OR14J1: variants seen among roughly 807,000 people sequenced by gnomAD.
The protein encoded by OR14J1 is olfactory receptor 14J1.
For synonymous variants in OR14J1, 140 were observed against 146.7 expected (o/e 0.95, Z 0.33); for missense variants, 378 against 393.4 (o/e 0.96, Z 0.33).
Position 29,310,026 on chromosome 6 carries a change from G to A in OR14J1, c.*2371G>A, listed in dbSNP as rs1391462871. The A allele has an allele frequency of 6.6e-6, 1 of 152,100 alleles. No individual in the cohort carries two copies. The highest frequency in any genetic ancestry group is 1.5e-5 in the Non-Finnish European group (1 of 68,032). 9.4% of individuals were successfully genotyped at this position (152,100 alleles called of 1,614,324 possible). On this transcript the variant is annotated 3_prime_UTR_variant, in exon 2 of 2. Coordinates refer to ENST00000641895, the MANE Select transcript of OR14J1 (RefSeq NM_030946.2). ...TCTGGATATTAGCCCTTTGTCAGAT[G>A]GATAGATTACAAAAATTTTCTCCCA...
At chr6:29,303,564 C>T (rs1774853413) in intron 1 of OR14J1, among the ~76,000 whole-genome samples, 1 of 152,166 alleles carries the variant, frequency 6.6e-6, no homozygotes, top group Non-Finnish European at 1.5e-5. Flanking sequence ...TGTGCCAGGG[C>T]ACAGAATGAT....
chr6:29,312,533 C>A lies in OR14J1; in HGVS notation c.*4878C>A, dbSNP rs544625381. The A allele has an allele frequency of 1.3e-5, 2 of 153,576 alleles. No homozygotes were observed. Among genetic ancestry groups the A allele is most frequent in the African/African-American group, 4.8e-5 (2 of 41,460 alleles). 9.5% of individuals were successfully genotyped at this position (153,576 alleles called of 1,614,324 possible). On this transcript the variant is annotated 3_prime_UTR_variant, in exon 2 of 2. Transcript: ENST00000641895. Reference sequence around the variant, plus strand: ...GGTGAGGCGATGCCCCACCCTGCTTCGGCTAGCCCTCCCTGGGCTGCACCC... The same window carrying A: ...GGTGAGGCGATGCCCCACCCTGCTTAGGCTAGCCCTCCCTGGGCTGCACCC...
At chr6:29,305,533 G>A (rs894324796) in intron 1 of OR14J1, among the ~76,000 whole-genome samples, 4 of 152,004 alleles carry the variant, frequency 2.6e-5, no homozygotes, top group African/African-American at 7.3e-5. Flanking sequence ...GAAACTCAGT[G>A]AAAATGATAC....
chr6:29,309,313 T>C lies in OR14J1; in HGVS notation c.*1658T>C, dbSNP rs1775339109. 6.6e-6 allele frequency: 1 copy of C among 152,242 alleles called. No individual in the cohort carries two copies. The highest frequency in any genetic ancestry group is 1.5e-5 in the Non-Finnish European group (1 of 68,058). 9.4% of individuals were successfully genotyped at this position (152,242 alleles called of 1,614,324 possible). ...GGGCATTTGGGTTGGTTTCAAGTCT[T>C]TGCTATTGTGAACAGTGCCACAATA... On this transcript the variant is annotated 3_prime_UTR_variant, in exon 2 of 2. Coordinates refer to ENST00000641895, the MANE Select transcript of OR14J1 (RefSeq NM_030946.2).
At position 29,309,283 on chromosome 6, in the gene OR14J1, T is replaced by C. The variant is rs761010767; in HGVS notation, c.*1628T>C. ...CACCTTTTCTTTATCCAGTGTATTA[T>C]TGATGGGCATTTGGGTTGGTTTCAA... On this transcript the variant is annotated 3_prime_UTR_variant, in exon 2 of 2. Transcript: ENST00000641895. 2.0e-5 allele frequency: 3 copies of C among 152,372 alleles called. No individual in the cohort carries two copies. The highest frequency in any genetic ancestry group is 3.9e-4 in the East Asian group (2 of 5,194). The allele number at this position is 152,372 out of a possible 1,614,324, so 9.4% of individuals were successfully genotyped here. A position where few individuals can be genotyped will look rare whatever the true frequency, so the allele number is the denominator to read the frequency against.
At chr6:29,303,508 A>G (rs1259244624) in intron 1 of OR14J1, among the ~76,000 whole-genome samples, 3 of 152,114 alleles carry the variant, frequency 2.0e-5, no homozygotes, top group African/African-American at 7.2e-5. Context: ...GTTTGTGAGG[A>G]CTCATGAAGC....
intron 1 of OR14J1, among the ~76,000 whole-genome samples, chr6:29,302,706 T>C (rs1185819262): frequency 6.6e-6 from 1 of 152,190 alleles, no homozygotes; most frequent in Admixed American, 6.5e-5. Flanking sequence ...TCCTAAGCTT[T>C]TTGGGCATCA....
rs1227402821 is a variant in OR14J1 at position 29,307,501 on chromosome 6, T to C, written c.812T>C (p.Val271Ala). ...GATTCCTCATCGACTGTGGACCTTG[T>C]ATTCTCCGTATTCTATACTGTGATA... is the stretch of plus-strand genomic sequence containing the variant. ...PSDSSSTVDL[V>A]FSVFYTVIPP... Residue 271 changes from valine to alanine, a missense_variant, in exon 2 of 2, where the codon GTA becomes GCA. Val to Ala is a moderately conservative substitution (Grantham distance 64, BLOSUM62 0). Transcript: ENST00000641895. 1 of 1,613,024 alleles carries C rather than the reference T, an allele frequency of 6.2e-7. No individual in the cohort carries two copies. Among genetic ancestry groups the C allele is most frequent in the Non-Finnish European group, 8.5e-7 (1 of 1,180,000 alleles).
chr6:29,309,281 T>A lies in OR14J1; in HGVS notation c.*1626T>A, dbSNP rs1775336207. The A allele has an allele frequency of 6.6e-6, 1 of 152,204 alleles. No homozygotes were observed. Among genetic ancestry groups the A allele is most frequent in the Non-Finnish European group, 1.5e-5 (1 of 68,044 alleles). 9.4% of individuals were successfully genotyped at this position (152,204 alleles called of 1,614,324 possible). A position where few individuals can be genotyped will look rare whatever the true frequency, so the allele number is the denominator to read the frequency against. The stretch of plus-strand genomic sequence containing the variant: ...GCCACCTTTTCTTTATCCAGTGTAT[T>A]ATTGATGGGCATTTGGGTTGGTTTC... On this transcript the variant is annotated 3_prime_UTR_variant, in exon 2 of 2. Coordinates refer to ENST00000641895, the MANE Select transcript of OR14J1 (RefSeq NM_030946.2).
intron 1 of OR14J1, among the ~76,000 whole-genome samples, chr6:29,305,241 T>G (rs977866775): frequency 6.6e-6 from 1 of 152,174 alleles, no homozygotes; most frequent in Non-Finnish European, 1.5e-5. Flanking sequence ...CAAAATAAAT[T>G]ACAGCAAAAT....
rs1775605393 is a variant in OR14J1 at position 29,312,632 on chromosome 6, T to C, written c.*4977T>C. Reference sequence around the variant, plus strand: ...TGCAGAAATCATCTGGCTTCTGCATTGATCTCAGTGGGAGCTGCAGACCGA... The same window carrying C: ...TGCAGAAATCATCTGGCTTCTGCATCGATCTCAGTGGGAGCTGCAGACCGA... On this transcript the variant is annotated 3_prime_UTR_variant, in exon 2 of 2. Coordinates refer to ENST00000641895, the MANE Select transcript of OR14J1 (RefSeq NM_030946.2). 6.6e-6 allele frequency: 1 copy of C among 152,348 alleles called. No homozygotes were observed. Among genetic ancestry groups the C allele is most frequent in the African/African-American group, 2.4e-5 (1 of 41,448 alleles). 9.4% of individuals were successfully genotyped at this position (152,348 alleles called of 1,614,324 possible). A position where few individuals can be genotyped will look rare whatever the true frequency, so the allele number is the denominator to read the frequency against.
Position 29,307,458 on chromosome 6 carries a change from T to C in OR14J1, c.769T>C (p.Phe257Leu). 6.2e-7 allele frequency: 1 copy of C among 1,613,074 alleles called. No homozygotes were observed. Among genetic ancestry groups the C allele is most frequent in the Non-Finnish European group, 8.5e-7 (1 of 1,180,028 alleles). Residue 257 changes from phenylalanine to leucine, a missense_variant, in exon 2 of 2, where the codon TTT becomes CTT. By Grantham distance (22) the Phe-to-Leu change is conservative (BLOSUM62 0). Transcript: ENST00000641895. ...CTTTCTTTCAGCTGCAGGCTTTGAG[T>C]TTCTCAGACTGCCTTCTGATTCCTC... ...TFFLSAAGFE[F>L]LRLPSDSSST...
At chr6:29,303,360 A>G (rs1299108534) in intron 1 of OR14J1, among the ~76,000 whole-genome samples, 1 of 152,254 alleles carries the variant, frequency 6.6e-6, no homozygotes, top group Non-Finnish European at 1.5e-5. Context: ...CATAGAGCCA[A>G]TGGAAGTCAG....
chr6:29,307,151 G>A lies in OR14J1; in HGVS notation c.462G>A (p.Gly154=). ...IAVWIAGGLS[G]LMHAAINFSI... The stretch of plus-strand genomic sequence containing the variant: ...TGTGGATTGCTGGGGGCCTCTCTGG[G>A]CTCATGCATGCTGCCATTAACTTCT... The change falls in exon 2 of 2, where the codon GGG becomes GGA. Residue 154 remains glycine (G), a synonymous_variant. Coordinates refer to ENST00000641895, the MANE Select transcript of OR14J1 (RefSeq NM_030946.2). 4 of 1,612,884 alleles carry A rather than the reference G, an allele frequency of 2.5e-6. No individual in the cohort carries two copies. Among genetic ancestry groups the A allele is most frequent in the Non-Finnish European group, 2.5e-6 (3 of 1,179,984 alleles).
rs548266619 is a variant in OR14J1, at chr6:29,301,973, A to G, written c.-29+186A>G. Among the ~76,000 whole-genome samples, 4 of 152,246 alleles carry G rather than the reference A, an allele frequency of 2.6e-5. No individual in the cohort carries two copies. In the East Asian group the frequency reaches 7.7e-4, roughly 29 times the overall value. On this transcript the variant is annotated intron_variant, in intron 1 of 1. Coordinates refer to ENST00000641895, the MANE Select transcript of OR14J1 (RefSeq NM_030946.2). ...TGCAAATAAGGTAGTATAAATTATA[A>G]AAAAGTATATAAAGCATAAAAAAGT...
Position 29,312,713 on chromosome 6 carries a change from G to C in OR14J1, c.*5058G>C, listed in dbSNP as rs944459464. On this transcript the variant is annotated 3_prime_UTR_variant, in exon 2 of 2. Coordinates refer to ENST00000641895, the MANE Select transcript of OR14J1 (RefSeq NM_030946.2). ...ACCCACACTGATTTCTAAAGTAGTT[G>C]TTCCATATTATATTCCCTAGATAAT... 6.6e-6 allele frequency: 1 copy of C among 152,166 alleles called. No individual in the cohort carries two copies. Among genetic ancestry groups the C allele is most frequent in the Admixed American group, 6.5e-5 (1 of 15,278 alleles). 9.4% of individuals were successfully genotyped at this position (152,166 alleles called of 1,614,324 possible).
rs779474982 is a variant in OR14J1, at chr6:29,306,983, G to A, written c.294G>A (p.Gln98=). Residue 98 remains glutamine (Q), a synonymous_variant, in exon 2 of 2, where the codon CAG becomes CAA. Coordinates refer to ENST00000641895, the MANE Select transcript of OR14J1 (RefSeq NM_030946.2). ...TTTCTCTTGTTCAGTGCATTCTTCAGGTTTTCTTCTTCATAGCTCTGGCCT... is the reference window on the plus strand; with the variant it reads ...TTTCTCTTGTTCAGTGCATTCTTCAAGTTTTCTTCTTCATAGCTCTGGCCT... The part of the protein sequence containing the change: ...GYISLVQCIL[Q]VFFFIALASS... 2 of 1,613,054 alleles carry A rather than the reference G, an allele frequency of 1.2e-6. No individual in the cohort carries two copies. Among genetic ancestry groups the A allele is most frequent in the African/African-American group, 2.7e-5 (2 of 75,032 alleles).
chr6:29,310,038 A>C lies in OR14J1; in HGVS notation c.*2383A>C, dbSNP rs1214298164. On this transcript the variant is annotated 3_prime_UTR_variant, in exon 2 of 2. Coordinates refer to ENST00000641895, the MANE Select transcript of OR14J1 (RefSeq NM_030946.2). ...CCCTTTGTCAGATGGATAGATTACA[A>C]AAATTTTCTCCCATTCTGTAGGTTG... 6.6e-6 allele frequency: 1 copy of C among 152,196 alleles called. No homozygotes were observed. The highest frequency in any genetic ancestry group is 1.5e-5 in the Non-Finnish European group (1 of 68,024). The allele number at this position is 152,196 out of a possible 1,614,324, so 9.4% of individuals were successfully genotyped here.
At chr6:29,304,566 T>C (rs1165500515) in intron 1 of OR14J1, among the ~76,000 whole-genome samples, 1 of 152,238 alleles carries the variant, frequency 6.6e-6, no homozygotes, top group Non-Finnish European at 1.5e-5. Flanking sequence ...CACACGTATA[T>C]GATTCCCTTC....
Sources: gnomAD v4.1 joint callset for allele counts (sites outside exome capture counted in the v4.1 genomes callset) on GRCh38, gnomAD v4.1.1 for gene constraint, MANE v1.5 for transcripts, NCBI Gene and HGNC (gene_info 2026-07-23, HGNC 2026-07-21) for gene names.